Variants in ERC2 observed in about 807,000 individuals in gnomAD.
The protein encoded by ERC2 is ELKS/RAB6-interacting/CAST family member 2, also known as ERC protein 2.
ERC2 carries 42 observed loss-of-function variants against 114.8 expected under a neutral mutation model. The observed-to-expected ratio is 0.37, with a 90% CI of 0.29 to 0.47. The LOEUF (loss-of-function observed/expected upper bound fraction) is 0.47. Ranked by LOEUF, ERC2 falls within the 20% of genes least tolerant of loss-of-function variation. The pLI, the probability that ERC2 is intolerant of heterozygous loss-of-function variation, is 0.99. For missense variants in ERC2, 939 were observed against 1,150.7 expected (o/e 0.82, Z 2.66); for synonymous variants, 454 against 425.5 (o/e 1.07, Z -0.82).
intron 3 of ERC2, among the ~76,000 whole-genome samples, chr3:56,192,265 T>TC (rs893077782): frequency 5.3e-5 from 8 of 152,290 alleles, no homozygotes; most frequent in African/African-American, 1.9e-4. Flanking sequence ...AGGTTGACAC[T>TC]CCCCATTGTT....
intron 17 of ERC2, among the ~76,000 whole-genome samples, chr3:55,587,588 G>A (rs1477496456): frequency 6.6e-6 from 1 of 152,102 alleles, no homozygotes; most frequent in East Asian, 1.9e-4. Flanking sequence ...TACACTTAAA[G>A]GTCATATTGC....
In ERC2 at chr3:55,854,043, G is replaced by C. The variant is rs530039997; in HGVS notation, c.2564+34346C>G. 2.0e-5 allele frequency among the ~76,000 whole-genome samples: 3 copies of C among 152,324 alleles called. No homozygotes were observed. The South Asian group carries it at 6.2e-4, about 32-fold the overall frequency. The stretch of plus-strand genomic sequence containing the variant: ...TAATCCCAGCACTTTGGGAGACCGA[G>C]GAGGGCCGATCACCTGAGGTAAGGA... On this transcript the variant is annotated intron_variant, in intron 14 of 17. Coordinates refer to ENST00000288221, the MANE Select transcript of ERC2 (RefSeq NM_015576.3).
intron 17 of ERC2, among the ~76,000 whole-genome samples, chr3:55,644,988 G>T (rs529763551): frequency 6.6e-6 from 1 of 152,022 alleles, no homozygotes; most frequent in Non-Finnish European, 1.5e-5. Context: ...GTCATCTAGC[G>T]TGAGAACTTC....
At chr3:55,602,841 T>A (rs1559726027) in intron 17 of ERC2, among the ~76,000 whole-genome samples, 1 of 152,208 alleles carries the variant, frequency 6.6e-6, no homozygotes, top group African/African-American at 2.4e-5. Context: ...TGTTTACCTC[T>A]TCTATGCTGT....
At chr3:55,573,814 TGAA>T (rs1438569684) in intron 17 of ERC2, among the ~76,000 whole-genome samples, 1 of 152,146 alleles carries the variant, frequency 6.6e-6, no homozygotes, top group Non-Finnish European at 1.5e-5. Flanking sequence ...TCTGGAGTGA[TGAA>T]GAGCCGTGAA....
At chr3:56,089,311 T>C (rs2077663057) in intron 6 of ERC2, among the ~76,000 whole-genome samples, 1 of 152,146 alleles carries the variant, frequency 6.6e-6, no homozygotes, top group Non-Finnish European at 1.5e-5. Flanking sequence ...AAGTGAATGG[T>C]ATTTGAGATC....
At chr3:55,583,541 CTTT>C (rs1276132471) in intron 17 of ERC2, among the ~76,000 whole-genome samples, 26 of 38,234 alleles carry the variant, frequency 6.8e-4, no homozygotes, top group Non-Finnish European at 9.5e-4. Flanking sequence ...TCCTTCCTTC[CTTT>C]CTTCCTTCCT....
At chr3:56,236,339 C>T (rs1339771772) in intron 3 of ERC2, among the ~76,000 whole-genome samples, 2 of 151,762 alleles carry the variant, frequency 1.3e-5, no homozygotes, top group Non-Finnish European at 2.9e-5. Context: ...AACTTTTTTT[C>T]CTCTCCACTT....
At chr3:56,355,899 G>A (rs974793711) in intron 2 of ERC2, among the ~76,000 whole-genome samples, 1 of 152,182 alleles carries the variant, frequency 6.6e-6, no homozygotes, top group Non-Finnish European at 1.5e-5. Context: ...TCCATGGAGA[G>A]GTGATGAATC....
At chr3:55,625,920 T>C (rs980011031) in intron 17 of ERC2, among the ~76,000 whole-genome samples, 12 of 152,194 alleles carry the variant, frequency 7.9e-5, no homozygotes, top group Non-Finnish European at 1.8e-4. Context: ...GGCATGTCTG[T>C]ATTTCTACAG....
At chr3:55,713,789 C>T (rs2148864285) in intron 15 of ERC2, among the ~76,000 whole-genome samples, 1 of 152,274 alleles carries the variant, frequency 6.6e-6, no homozygotes, top group Non-Finnish European at 1.5e-5. Flanking sequence ...TAAAGCTGTT[C>T]AATCAACTAT....
At chr3:55,733,834 G>C (rs1173781054) in intron 15 of ERC2, among the ~76,000 whole-genome samples, 1 of 152,174 alleles carries the variant, frequency 6.6e-6, no homozygotes, top group Middle Eastern at 3.2e-3. Flanking sequence ...CATGGTTACT[G>C]TGTGGCCATT....
At chr3:55,932,246 T>C (rs911617053) in intron 13 of ERC2, among the ~76,000 whole-genome samples, 2 of 152,186 alleles carry the variant, frequency 1.3e-5, no homozygotes, top group Admixed American at 6.5e-5. Context: ...AAAAATATAA[T>C]GCCTCTTTCC....
intron 17 of ERC2, among the ~76,000 whole-genome samples, chr3:55,605,404 T>G (rs140085629): frequency 2.0e-5 from 3 of 152,234 alleles, no homozygotes; most frequent in Non-Finnish European, 4.4e-5. Context: ...TGAAAATATT[T>G]TTAAAACAAA....
chr3:55,516,810 C>T (rs2052544980), intron 17 of ERC2, among the ~76,000 whole-genome samples: 1 of 152,176 alleles, frequency 6.6e-6, no homozygotes, highest in African/African-American at 2.4e-5. Context: ...TAACAGGTAC[C>T]ATTTGTTGCG....
At chr3:55,739,254 T>A (rs1201337028) in intron 14 of ERC2, among the ~76,000 whole-genome samples, 3 of 152,242 alleles carry the variant, frequency 2.0e-5, no homozygotes, top group African/African-American at 7.2e-5. Context: ...GAATGATTTA[T>A]AATCCTTTGG....
At chr3:56,219,338 G>A (rs575315697) in intron 3 of ERC2, among the ~76,000 whole-genome samples, 1 of 151,948 alleles carries the variant, frequency 6.6e-6, no homozygotes, top group South Asian at 2.1e-4. Context: ...GGACAATAAT[G>A]AAAAAGAAGA....
chr3:55,762,745 C>T (rs2067532470), intron 14 of ERC2, among the ~76,000 whole-genome samples: 1 of 152,082 alleles, frequency 6.6e-6, no homozygotes, highest in Non-Finnish European at 1.5e-5. Flanking sequence ...AAAGCAGAGT[C>T]AAACTGGGGA....
intron 6 of ERC2, among the ~76,000 whole-genome samples, chr3:56,087,603 A>G (rs1247564443): frequency 6.6e-6 from 1 of 152,200 alleles, no homozygotes; most frequent in Non-Finnish European, 1.5e-5. Context: ...CTTGAGAGAA[A>G]AAAACACCTG....
Sources: allele counts gnomAD v4.1 joint callset (sites outside exome capture counted in the v4.1 genomes callset), GRCh38; gene constraint gnomAD v4.1.1; transcripts MANE v1.5; gene names NCBI Gene and HGNC (gene_info 2026-07-23, HGNC 2026-07-21).